The following CRYBG1 variants were observed in gnomAD, a reference collection of about 807,000 sequenced individuals.
The protein encoded by CRYBG1 is beta/gamma crystallin domain-containing protein 1.
A neutral mutation model predicts 189.2 loss-of-function variants in CRYBG1; 139 were observed. That is an observed-to-expected ratio of 0.73 (90% CI 0.64 to 0.85). CRYBG1 has a LOEUF of 0.85. Among genes scored for constraint, CRYBG1 ranks in the 40% least tolerant of loss-of-function variants. CRYBG1 has a pLI of 0.00. For missense variants in CRYBG1, 2,611 were observed against 2,675.8 expected, an observed-to-expected ratio of 0.98 and a Z score of 0.53; for synonymous variants, 1,023 against 1,017.1, an observed-to-expected ratio of 1.01 and a Z score of -0.11.
At chr6:106,555,987 C>T (rs1029781468) in intron 17 of CRYBG1, 90 bp downstream of exon 17, 2 of 1,454,790 alleles carry the variant, frequency 1.4e-6, no homozygotes, top group Admixed American at 3.5e-5. Flanking sequence ...AGAACCTGCT[C>T]TTAAAGTTAG....
At position 106,558,512 on chromosome 6, in the gene CRYBG1, CTT is replaced by C; in HGVS notation, c.5744_5745del (p.Phe1915Ter). ...AATTTTCTGAACCAACAATTATTCT[CTT>C]TGAAAGAGAAGACTTCAAAGGAAAA... ...VEFSEPTIIL[F>X]EREDFKGKKI... On this transcript the variant is annotated frameshift_variant, in exon 18 of 22. Coordinates refer to ENST00000633556, the MANE Select transcript of CRYBG1 (RefSeq NM_001371242.2). LOFTEE classifies it high-confidence loss of function. The C allele has an allele frequency of 6.2e-7, 1 of 1,606,364 alleles. No individual in the cohort carries two copies. The highest frequency in any genetic ancestry group is 8.5e-7 in the Non-Finnish European group (1 of 1,174,768).
chr6:106,512,210 C>A lies in CRYBG1; in HGVS notation c.1093C>A (p.Arg365Ser), dbSNP rs769649792. Residue 365 changes from arginine to serine, a missense_variant, in exon 3 of 22, where the codon CGC becomes AGC. Arg to Ser is a moderately radical substitution (Grantham distance 110). Transcript: ENST00000633556. ...CTCCGCGCAGGCAGACTGCACAGCC[C>A]GCCCCAAGGGTCACGCCCACCCTGC... is the stretch of plus-strand genomic sequence containing the variant. Reference protein sequence around the residue: ...ASSAQADCTARPKGHAHPAKV... With the variant: ...ASSAQADCTASPKGHAHPAKV... 6.5e-7 allele frequency: 1 copy of A among 1,536,104 alleles called. No homozygotes were observed. The highest frequency in any genetic ancestry group is 2.0e-5 in the Admixed American group (1 of 50,972).
At chr6:106,537,591 G>A (rs1407051464) in intron 8 of CRYBG1, among the ~76,000 whole-genome samples, 1 of 151,906 alleles carries the variant, frequency 6.6e-6, no homozygotes, top group African/African-American at 2.4e-5. Context: ...AACTTTTTTT[G>A]AAGCATAACA....
At chr6:106,445,323 TTGGG>T (rs1180689866) in intron 1 of CRYBG1, among the ~76,000 whole-genome samples, 2 of 152,024 alleles carry the variant, frequency 1.3e-5, no homozygotes, top group African/African-American at 4.8e-5. Context: ...GAGTGAGGAG[TTGGG>T]TGGGTTCTCT....
intron 7 of CRYBG1, among the ~76,000 whole-genome samples, chr6:106,528,692 G>C (rs1322379995): frequency 1.3e-5 from 2 of 152,122 alleles, no homozygotes; most frequent in Non-Finnish European, 2.9e-5. Context: ...ATGGGGAAGG[G>C]AAACGAGATC....
chr6:106,521,422 C>T lies in CRYBG1; in HGVS notation c.4214C>T (p.Ser1405Phe). The change falls in exon 4 of 22, where the codon TCT becomes TTT. Residue 1405 changes from serine (S) to phenylalanine (F), a missense_variant. Ser to Phe is a radical substitution (Grantham distance 155). This residue lies in a region of CRYBG1 where 1,622 missense variants were observed against 1,735.0 expected (regional missense o/e 0.93). Coordinates refer to ENST00000633556, the MANE Select transcript of CRYBG1 (RefSeq NM_001371242.2). ...FKSSRYDPSI[S>F]FSGMSLSDTM... is the part of the protein sequence containing the mutation. ...TCAAGCCGGTATGACCCAAGCATTTCTTTTTCTGGAATGTCATTATCAGAC... is the reference window on the plus strand; with the variant it reads ...TCAAGCCGGTATGACCCAAGCATTTTTTTTTCTGGAATGTCATTATCAGAC... 6.3e-7 allele frequency: 1 copy of T among 1,587,910 alleles called. No homozygotes were observed. The highest frequency in any genetic ancestry group is 8.5e-7 in the Non-Finnish European group (1 of 1,170,574).
intron 1 of CRYBG1, among the ~76,000 whole-genome samples, chr6:106,432,773 C>T (rs1771355507): frequency 6.6e-6 from 1 of 152,098 alleles, no homozygotes; most frequent in African/African-American, 2.4e-5. Context: ...GGGCTTTACA[C>T]ATTCTTTGTA....
At chr6:106,490,594 G>T (rs2114492380) in intron 2 of CRYBG1, among the ~76,000 whole-genome samples, 1 of 152,272 alleles carries the variant, frequency 6.6e-6, no homozygotes, top group East Asian at 1.9e-4. Flanking sequence ...TTTCCAATAT[G>T]ATATGGAAGG....
intron 11 of CRYBG1, among the ~76,000 whole-genome samples, chr6:106,543,912 C>T (rs549951460): frequency 3.3e-5 from 5 of 152,288 alleles, no homozygotes; most frequent in Non-Finnish European, 4.4e-5. Flanking sequence ...ATTAGCTGAG[C>T]GTGGTGTCAC....
rs370304032 is a variant in CRYBG1 at position 106,551,801 on chromosome 6, G to A, written c.5313-51G>A. On this transcript the variant is annotated intron_variant, in intron 13 of 21. Coordinates refer to ENST00000633556, the MANE Select transcript of CRYBG1 (RefSeq NM_001371242.2). ...TACATAGATATCCAAATATGTGATCGTTTTATATGTAAAATATGAACTCCA... is the reference window on the plus strand; with the variant it reads ...TACATAGATATCCAAATATGTGATCATTTTATATGTAAAATATGAACTCCA... The A allele has an allele frequency of 1.2e-4, 183 of 1,572,184 alleles. 2 individuals carry two copies. The African/African-American group carries it at 1.8e-3, about 15-fold the overall frequency.
chr6:106,374,717 G>A (rs1770113288), intron 1 of CRYBG1, among the ~76,000 whole-genome samples: 1 of 151,926 alleles, frequency 6.6e-6, no homozygotes, highest in South Asian at 2.1e-4. Flanking sequence ...CTAAATGGAT[G>A]GTTCTATTTA....
In CRYBG1 at chr6:106,527,350, C is replaced by A. The variant is rs147136406; in HGVS notation, c.4458C>A (p.Pro1486=). ...EQPNFEGHSI[P]LEEGELELSG... The stretch of plus-strand genomic sequence containing the variant: ...CAAATTTTGAAGGGCACTCCATCCC[C>A]TTAGAAGAAGGAGAATTGGAACTCT... The change falls in exon 7 of 22, where the codon CCC becomes CCA. Residue 1486 remains proline, a synonymous_variant. Coordinates refer to ENST00000633556, the MANE Select transcript of CRYBG1 (RefSeq NM_001371242.2). 236 of 1,613,434 alleles carry A rather than the reference C, an allele frequency of 1.5e-4. 1 individual carries two copies. In the East Asian group the frequency reaches 5.2e-3, roughly 36 times the overall value.
At position 106,561,438 on chromosome 6, in the gene CRYBG1, A is replaced by T; in HGVS notation, c.6076A>T (p.Met2026Leu). ...TCTGAAGCTTCTGAGGATACAGGTC[A>T]TGGAGGATGTCGGGGCCGATGATCA... ...EDLKLLRIQVMEDVGADDQIW... is the reference protein window; with the variant it reads ...EDLKLLRIQVLEDVGADDQIW... The change falls in exon 20 of 22, where the codon ATG (methionine) becomes TTG (leucine). Residue 2026 changes from methionine (M) to leucine (L), a missense_variant. Met to Leu is a conservative substitution (Grantham distance 15, BLOSUM62 2). Around this residue, in one of 3 missense-constraint regions of CRYBG1, gnomAD observed 1,622 missense variants for 1,735.0 expected, o/e 0.93. Transcript: ENST00000633556. The T allele has an allele frequency of 6.2e-7, 1 of 1,614,192 alleles. No individual in the cohort carries two copies. Among genetic ancestry groups the T allele is most frequent in the Non-Finnish European group, 8.5e-7 (1 of 1,180,008 alleles).
chr6:106,495,117 C>T (rs1275991680), intron 2 of CRYBG1, among the ~76,000 whole-genome samples: 2 of 152,192 alleles, frequency 1.3e-5, no homozygotes, highest in African/African-American at 4.8e-5. Context: ...AAAGGGCACA[C>T]CTCTTTAACA....
intron 1 of CRYBG1, among the ~76,000 whole-genome samples, chr6:106,375,283 G>A (rs551365544): frequency 3.3e-5 from 5 of 152,096 alleles, no homozygotes; most frequent in Non-Finnish European, 7.4e-5. Context: ...CTACTCGAAA[G>A]GCTGAGACAG....
At chr6:106,398,254 C>T (rs1770650455) in intron 1 of CRYBG1, among the ~76,000 whole-genome samples, 1 of 151,958 alleles carries the variant, frequency 6.6e-6, no homozygotes, top group Non-Finnish European at 1.5e-5. Context: ...TTGGCTCACG[C>T]CTGTAATCCC....
chr6:106,384,882 T>G (rs9486330), intron 1 of CRYBG1, among the ~76,000 whole-genome samples: 110,025 of 129,900 alleles, frequency 0.85, 47,446 homozygotes, highest in East Asian at 0.95. Context: ...GTCTTTTGTG[T>G]TTGGGGTGCA....
intron 1 of CRYBG1, among the ~76,000 whole-genome samples, chr6:106,446,265 T>G (rs1184084546): frequency 6.6e-6 from 1 of 152,212 alleles, no homozygotes; most frequent in Non-Finnish European, 1.5e-5. Flanking sequence ...TGTTAGTGAA[T>G]TAAGTTTTCT....
intron 1 of CRYBG1, among the ~76,000 whole-genome samples, chr6:106,385,265 T>A (rs957119231): frequency 2.6e-5 from 4 of 152,160 alleles, no homozygotes; most frequent in African/African-American, 9.7e-5. Flanking sequence ...TCAGAGCTGC[T>A]CAAACAGACA....
Sources: gnomAD v4.1 joint callset for allele counts (sites outside exome capture counted in the v4.1 genomes callset) on GRCh38, gnomAD v4.1.1 for gene constraint, gnomAD v4.1.1 regional missense constraint, MANE v1.5 for transcripts, NCBI Gene and HGNC (gene_info 2026-07-23, HGNC 2026-07-21) for gene names.